Variants in DCDC1 observed in about 807,000 individuals in gnomAD.
DCDC1 encodes the protein doublecortin domain containing 1, also known as doublecortin domain-containing protein 1.
In DCDC1, 200 loss-of-function variants were observed where a neutral mutation model predicts 178.3. That is an observed-to-expected ratio of 1.12 (90% CI 1.00 to 1.26). DCDC1 has a LOEUF of 1.26. Ranked by LOEUF, DCDC1 falls within the 50% of genes most tolerant of loss-of-function variation. The pLI is 0.00. For missense variants in DCDC1, 1,983 were observed against 1,749.2 expected (o/e 1.13, Z -2.38); for synonymous variants, 690 against 604.8 (o/e 1.14, Z -2.07).
intron 20 of DCDC1, among the ~76,000 whole-genome samples, chr11:31,038,157 G>A (rs1954203156): frequency 1.3e-5 from 2 of 151,620 alleles, no homozygotes. Flanking sequence ...CATGGCACAT[G>A]CATACATATG....
At chr11:31,066,399 A>G (rs1956250971) in intron 18 of DCDC1, among the ~76,000 whole-genome samples, 2 of 152,218 alleles carry the variant, frequency 1.3e-5, no homozygotes, top group Admixed American at 1.3e-4. Flanking sequence ...AGCTTGATTA[A>G]TAGTCTGTCA....
intron 17 of DCDC1, among the ~76,000 whole-genome samples, chr11:31,087,969 C>G (rs1193185874): frequency 6.6e-6 from 1 of 152,034 alleles, no homozygotes; most frequent in Non-Finnish European, 1.5e-5. Context: ...GCAATTCTAT[C>G]AGCTTTCACT....
rs80263134 is a variant in DCDC1 at position 31,025,278 on chromosome 11, T to A, written c.2591+39191A>T. Reference sequence around the variant, plus strand: ...ACAGAGACCTATATTAAAGCTCCCATCTCATCTGCTGAGAAAAAGAGAGTA... The same window carrying A: ...ACAGAGACCTATATTAAAGCTCCCAACTCATCTGCTGAGAAAAAGAGAGTA... On this transcript the variant is annotated intron_variant, in intron 20 of 38. Coordinates refer to ENST00000684477, the MANE Select transcript of DCDC1 (RefSeq NM_001387274.1). Among the ~76,000 whole-genome samples the A allele has an allele frequency of 1.6e-3, 248 of 151,830 alleles. 2 individuals carry two copies. The East Asian group carries it at 0.028, about 17-fold the overall frequency.
chr11:31,155,825 G>A (rs1213017783), intron 9 of DCDC1: 1 of 152,198 alleles, frequency 6.6e-6, no homozygotes, highest in Non-Finnish European at 1.5e-5. Flanking sequence ...TCTAGGCAGA[G>A]GAGACATTAG....
At chr11:30,996,838 C>T (rs904434915) in intron 20 of DCDC1, among the ~76,000 whole-genome samples, 1 of 152,190 alleles carries the variant, frequency 6.6e-6, no homozygotes, top group Non-Finnish European at 1.5e-5. Flanking sequence ...AATCACACTG[C>T]TAGGTATTTT....
intron 9 of DCDC1, among the ~76,000 whole-genome samples, chr11:31,155,596 C>T (rs1012046854): frequency 2.0e-5 from 3 of 152,208 alleles, no homozygotes; most frequent in Non-Finnish European, 4.4e-5. Context: ...CAGTGGTTAA[C>T]AAGCCAGACA....
intron 9 of DCDC1, among the ~76,000 whole-genome samples, chr11:31,165,897 T>A (rs1966741464): frequency 1.3e-5 from 2 of 152,188 alleles, no homozygotes; most frequent in Admixed American, 1.3e-4. Context: ...CAATGCCAGA[T>A]AAAATTCAGG....
At chr11:31,078,839 T>C (rs1957010531) in intron 17 of DCDC1, among the ~76,000 whole-genome samples, 2 of 132,522 alleles carry the variant, frequency 1.5e-5, no homozygotes, top group African/African-American at 5.5e-5. Context: ...AAAATATACA[T>C]TAACAGGTGT....
intron 1 of DCDC1, among the ~76,000 whole-genome samples, chr11:31,365,953 T>G (rs1336372592): frequency 6.6e-6 from 1 of 152,184 alleles, no homozygotes; most frequent in African/African-American, 2.4e-5. Context: ...AATACTGTTA[T>G]GAATGTCCAA....
At chr11:31,030,860 G>GAA (rs35033833) in intron 20 of DCDC1, among the ~76,000 whole-genome samples, 1 of 148,310 alleles carries the variant, frequency 6.7e-6, no homozygotes, top group Admixed American at 6.7e-5. Flanking sequence ...CCCAGGGCAA[G>GAA]AAAAAAAAAA....
At chr11:30,927,336 T>C (rs1351616325) in intron 22 of DCDC1, among the ~76,000 whole-genome samples, 1 of 151,796 alleles carries the variant, frequency 6.6e-6, no homozygotes, top group Non-Finnish European at 1.5e-5. Flanking sequence ...CAAAAGTTAG[T>C]TGGGAGTTCC....
rs774989869 is a variant in DCDC1, at chr11:30,899,627, TC to T, written c.4678del (p.Glu1560LysfsTer3). On this transcript the variant is annotated frameshift_variant, in exon 34 of 39. Transcript: ENST00000684477. LOFTEE classifies it high-confidence loss of function. ...FLPPNALQKA[E>X]KLEKQNWLKK... ...TAGCCAGTTCTGTTTCTCTAATTTT[TC>T]TGCTTTCTGCAAAGCTAGAATAATA... 7.9e-5 allele frequency: 124 copies of T among 1,563,900 alleles called. No individual in the cohort carries two copies. The highest frequency in any genetic ancestry group is 1.0e-4 in the Non-Finnish European group (120 of 1,154,288).
chr11:31,086,813 A>C (rs1212732003), intron 17 of DCDC1, among the ~76,000 whole-genome samples: 1 of 152,054 alleles, frequency 6.6e-6, no homozygotes, highest in Non-Finnish European at 1.5e-5. Flanking sequence ...AAATTTTGTT[A>C]ATCATTTTTT....
At chr11:30,987,380 T>C (rs1950713778) in intron 20 of DCDC1, among the ~76,000 whole-genome samples, 1 of 152,198 alleles carries the variant, frequency 6.6e-6, no homozygotes, top group Non-Finnish European at 1.5e-5. Context: ...TAAACATTTC[T>C]TAATTATCTA....
rs542616169 is a variant in DCDC1 at position 31,335,186 on chromosome 11, G to A, written c.-7+261C>T. On this transcript the variant is annotated intron_variant, in intron 2 of 38. Coordinates refer to ENST00000684477, the MANE Select transcript of DCDC1 (RefSeq NM_001387274.1). The stretch of plus-strand genomic sequence containing the variant: ...CTTCACTAGTAGTGAGCAAGGCTCC[G>A]TGGGCATGGGACCCACTGAAGCAGG... 7.5e-4 allele frequency among the ~76,000 whole-genome samples: 115 copies of A among 152,334 alleles called. 1 individual carries two copies. The highest frequency in any genetic ancestry group is 2.6e-3 in the African/African-American group (110 of 41,580).
chr11:31,327,992 A>G, intron 3 of DCDC1, 125 bp downstream of exon 3: 1 of 955,902 alleles, frequency 1.0e-6, no homozygotes, highest in Non-Finnish European at 1.4e-6. Flanking sequence ...GGCCTCCCAA[A>G]GTGCTGGGAT....
intron 6 of DCDC1, among the ~76,000 whole-genome samples, chr11:31,293,346 A>G (rs952475376): frequency 6.6e-6 from 1 of 152,194 alleles, no homozygotes; most frequent in African/African-American, 2.4e-5. Flanking sequence ...TAGGCCACCC[A>G]GAAATTAGAA....
intron 7 of DCDC1, among the ~76,000 whole-genome samples, chr11:31,275,917 T>C (rs540569144): frequency 2.5e-4 from 38 of 152,218 alleles, no homozygotes; most frequent in Non-Finnish European, 4.0e-4. Flanking sequence ...AGGCTAATCA[T>C]TCATAGAGAC....
chr11:31,329,630 A>G (rs1257988510), intron 2 of DCDC1, among the ~76,000 whole-genome samples: 1 of 152,032 alleles, frequency 6.6e-6, no homozygotes. Context: ...ATTCCCACCT[A>G]TGAGTGAGAA....
Sources: allele counts gnomAD v4.1 joint callset (sites outside exome capture counted in the v4.1 genomes callset), GRCh38; gene constraint gnomAD v4.1.1; transcripts MANE v1.5; gene names NCBI Gene and HGNC (gene_info 2026-07-23, HGNC 2026-07-21).